JAZF1: variants seen among roughly 807,000 people sequenced by gnomAD.
JAZF1 encodes juxtaposed with another zinc finger protein 1.
In JAZF1, 8 loss-of-function variants were observed where a neutral mutation model predicts 26.4. That is an observed-to-expected ratio of 0.30 (90% CI 0.18 to 0.55). JAZF1 has a LOEUF of 0.55. JAZF1 is among the 20% of genes least tolerant of loss of function. The pLI is 0.94. For synonymous variants in JAZF1, 126 were observed against 122.3 expected (o/e 1.03, Z -0.20); for missense variants, 199 against 322.0 (o/e 0.62, Z 2.92).
rs148938349 is a variant in JAZF1 at position 28,036,220 on chromosome 7, A to G, written c.116-44239T>C. Among the ~76,000 whole-genome samples the G allele has an allele frequency of 5.9e-3, 894 of 152,350 alleles. 5 individuals carry two copies. Among genetic ancestry groups the G allele is most frequent in the African/African-American group, 0.021 (865 of 41,580 alleles). On this transcript the variant is annotated intron_variant, in intron 1 of 4. Coordinates refer to ENST00000283928, the MANE Select transcript of JAZF1 (RefSeq NM_175061.4). ...AGCACTCTGCAATAATTATGATTCC[A>G]TTATACATTCAAGTCCACCAGGACA...
chr7:28,048,806 T>C (rs1583529919), intron 1 of JAZF1, among the ~76,000 whole-genome samples: 1 of 152,140 alleles, frequency 6.6e-6, no homozygotes, highest in Non-Finnish European at 1.5e-5. Context: ...AACCATACAA[T>C]GGAATATTAC....
intron 3 of JAZF1, among the ~76,000 whole-genome samples, chr7:27,871,422 GAACA>G (rs1361552357): frequency 6.6e-6 from 1 of 152,140 alleles, no homozygotes; most frequent in Non-Finnish European, 1.5e-5. Flanking sequence ...TTTCATCTCA[GAACA>G]AACCAACGAT....
At chr7:27,870,772 C>CA (rs1160622436) in intron 3 of JAZF1, among the ~76,000 whole-genome samples, 2 of 152,144 alleles carry the variant, frequency 1.3e-5, no homozygotes, top group African/African-American at 2.4e-5. Flanking sequence ...AGCCAGGTGA[C>CA]AGAGCCCTCC....
chr7:27,852,386 A>G (rs186777705), intron 3 of JAZF1, among the ~76,000 whole-genome samples: 205 of 152,208 alleles, frequency 1.3e-3, no homozygotes, highest in Non-Finnish European at 2.0e-3. Context: ...TGCTCACCTC[A>G]GCCTCCGAAA....
intron 3 of JAZF1, among the ~76,000 whole-genome samples, chr7:27,858,173 AG>A (rs34087977): frequency 2.0e-5 from 3 of 152,220 alleles, no homozygotes; most frequent in Admixed American, 1.3e-4. Context: ...AAAACTTACA[AG>A]GGATGTGAAA....
At chr7:27,939,849 G>A (rs889098859) in intron 2 of JAZF1, among the ~76,000 whole-genome samples, 5 of 152,266 alleles carry the variant, frequency 3.3e-5, no homozygotes, top group Middle Eastern at 3.4e-3. Flanking sequence ...TTCTCATCAC[G>A]GGGTCTACAC....
At chr7:27,845,250 T>A (rs770485002) in intron 3 of JAZF1, among the ~76,000 whole-genome samples, 53 of 152,192 alleles carry the variant, frequency 3.5e-4, no homozygotes, top group Non-Finnish European at 6.5e-4. Flanking sequence ...GGGCCCAGAG[T>A]GGGCATCTGT....
At chr7:27,973,283 AGT>A (rs149281886) in intron 2 of JAZF1, among the ~76,000 whole-genome samples, 2 of 151,500 alleles carry the variant, frequency 1.3e-5, no homozygotes, top group African/African-American at 4.8e-5. Flanking sequence ...CCCAGGCTGG[AGT>A]GTGTGTGTGT....
At chr7:27,991,768 A>C in intron 2 of JAZF1, 141 bp downstream of exon 2, 1 of 594,228 alleles carries the variant, frequency 1.7e-6, no homozygotes, top group Non-Finnish European at 3.0e-6. Context: ...AGAGCATTCC[A>C]TATACAGGTT....
chr7:28,113,919 T>C (rs1784701429), intron 1 of JAZF1, among the ~76,000 whole-genome samples: 1 of 152,208 alleles, frequency 6.6e-6, no homozygotes, highest in Non-Finnish European at 1.5e-5. Context: ...GCAATAATGC[T>C]TCTAAAATCT....
intron 4 of JAZF1, among the ~76,000 whole-genome samples, chr7:27,833,917 G>A (rs997066082): frequency 1.3e-5 from 2 of 152,138 alleles, no homozygotes; most frequent in Admixed American, 1.3e-4. Flanking sequence ...AAGAAGGGAC[G>A]GCGGACGTGT....
rs1783633670 is a variant in JAZF1 at position 28,180,671 on chromosome 7, C to A, written c.-94G>T. The A allele has an allele frequency of 1.5e-5, 3 of 203,056 alleles. No homozygotes were observed. Among genetic ancestry groups the A allele is most frequent in the Non-Finnish European group, 2.9e-5 (3 of 104,414 alleles). 12.6% of individuals were successfully genotyped at this position (203,056 alleles called of 1,614,324 possible). A position where few individuals can be genotyped will look rare whatever the true frequency, so the allele number is the denominator to read the frequency against. ...CCGGGTGGGGTGAGGAGAGGAGGGG[C>A]TGGGGGAGGGGGAGAGAGGCGGGGT... On this transcript the variant is annotated 5_prime_UTR_variant, in exon 1 of 5. Coordinates refer to ENST00000283928, the MANE Select transcript of JAZF1 (RefSeq NM_175061.4).
chr7:27,961,388 G>C (rs1785182907), intron 2 of JAZF1, among the ~76,000 whole-genome samples: 2 of 152,178 alleles, frequency 1.3e-5, no homozygotes, highest in South Asian at 4.1e-4. Context: ...AAACGTAATT[G>C]CCTGAGGCAG....
intron 2 of JAZF1, among the ~76,000 whole-genome samples, chr7:27,921,032 A>G (rs536051530): frequency 4.1e-4 from 62 of 152,368 alleles, no homozygotes; most frequent in African/African-American, 1.4e-3. Context: ...TATGTGTGTA[A>G]GCGCTTTATA....
intron 1 of JAZF1, among the ~76,000 whole-genome samples, chr7:28,077,578 C>T (rs1784071814): frequency 6.6e-6 from 1 of 150,836 alleles, no homozygotes. Context: ...ACCTTAACTA[C>T]AAAAAAAAGT....
intron 1 of JAZF1, among the ~76,000 whole-genome samples, chr7:28,013,298 G>A (rs576881011): frequency 3.7e-4 from 56 of 152,268 alleles, no homozygotes; most frequent in African/African-American, 1.2e-3. Flanking sequence ...ACCAGACCTA[G>A]CATAGGGCCT....
chr7:28,176,843 C>T (rs1032707393), intron 1 of JAZF1, among the ~76,000 whole-genome samples: 2 of 152,048 alleles, frequency 1.3e-5, no homozygotes, highest in African/African-American at 2.4e-5. Context: ...AGGGTTGTAG[C>T]GGCATTTCAT....
intron 1 of JAZF1, among the ~76,000 whole-genome samples, chr7:27,998,715 C>T (rs1416412139): frequency 5.9e-5 from 9 of 152,194 alleles, no homozygotes; most frequent in African/African-American, 2.2e-4. Flanking sequence ...CACAATAACA[C>T]CATCTATTAA....
chr7:27,931,703 A>T (rs1353993103), intron 2 of JAZF1, among the ~76,000 whole-genome samples: 1 of 152,204 alleles, frequency 6.6e-6, no homozygotes, highest in Non-Finnish European at 1.5e-5. Flanking sequence ...CTGTAATCCC[A>T]GCTACTCGGG....
Sources: allele counts gnomAD v4.1 joint callset (sites outside exome capture counted in the v4.1 genomes callset), GRCh38; gene constraint gnomAD v4.1.1; transcripts MANE v1.5; gene names NCBI Gene and HGNC (gene_info 2026-07-23, HGNC 2026-07-21).